Variants in CYYR1 observed in about 807,000 individuals in gnomAD.
The protein encoded by CYYR1 is cysteine and tyrosine-rich protein 1.
A neutral mutation model predicts 15.2 loss-of-function variants in CYYR1; 14 were observed. The ratio of observed to expected loss-of-function variants is 0.92; its 90% CI spans 0.61 to 1.44. The LOEUF is 1.44. CYYR1 is among the 40% of genes most tolerant of loss of function. The pLI is 0.00. For missense variants in CYYR1, 228 were observed against 209.5 expected (o/e 1.09, Z -0.54); for synonymous variants, 80 against 77.4 (o/e 1.03, Z -0.18).
intron 2 of CYYR1, among the ~76,000 whole-genome samples, chr21:26,541,877 AAAAT>A (rs1385821248): frequency 6.6e-6 from 1 of 152,190 alleles, no homozygotes; most frequent in East Asian, 1.9e-4. Flanking sequence ...CTGAAATAAT[AAAAT>A]AAAGAGGTAA....
intron 2 of CYYR1, among the ~76,000 whole-genome samples, chr21:26,488,533 A>G (rs918376519): frequency 6.6e-6 from 1 of 152,120 alleles, no homozygotes; most frequent in South Asian, 2.1e-4. Context: ...GATTACAGGC[A>G]TGAGCCACCA....
At chr21:26,519,661 A>G (rs1178883115) in intron 2 of CYYR1, among the ~76,000 whole-genome samples, 1 of 152,198 alleles carries the variant, frequency 6.6e-6, no homozygotes, top group African/African-American at 2.4e-5. Context: ...TTTGAAAGAA[A>G]TAACCCTGGT....
At chr21:26,532,050 A>G (rs560331665) in intron 2 of CYYR1, among the ~76,000 whole-genome samples, 31 of 152,290 alleles carry the variant, frequency 2.0e-4, no homozygotes, top group African/African-American at 7.5e-4. Flanking sequence ...AATTTGAAGG[A>G]TTATGTAAAG....
At chr21:26,504,956 A>G (rs1244459024) in intron 2 of CYYR1, among the ~76,000 whole-genome samples, 1 of 152,210 alleles carries the variant, frequency 6.6e-6, no homozygotes, top group Non-Finnish European at 1.5e-5. Flanking sequence ...AATGATCTCC[A>G]GTTCCATCCA....
chr21:26,507,889 G>GAAATACT (rs1406549743), intron 2 of CYYR1, among the ~76,000 whole-genome samples: 2,854 of 152,232 alleles, frequency 0.019, 96 homozygotes, highest in African/African-American at 0.064. Flanking sequence ...GTATTTAGAG[G>GAAATACT]TATTAATTCA....
chr21:26,468,948 C>CAA (rs71329833), intron 3 of CYYR1, among the ~76,000 whole-genome samples: 1 of 151,780 alleles, frequency 6.6e-6, no homozygotes, highest in African/African-American at 2.4e-5. Context: ...TCATCTCAAG[C>CAA]AAAAGTACAT....
intron 2 of CYYR1, among the ~76,000 whole-genome samples, chr21:26,532,066 A>C (rs1215310929): frequency 6.6e-6 from 1 of 152,180 alleles, no homozygotes; most frequent in African/African-American, 2.4e-5. Context: ...TAAAGCGAGA[A>C]AAAAAGAATG....
intron 2 of CYYR1, among the ~76,000 whole-genome samples, chr21:26,536,948 A>G (rs543037999): frequency 6.6e-6 from 1 of 152,328 alleles, no homozygotes; most frequent in African/African-American, 2.4e-5. Context: ...GCACTCATGG[A>G]AATTCCAGTC....
chr21:26,571,889 A>G lies in CYYR1; in HGVS notation c.73+979T>C, dbSNP rs575294964. ...GACAGCCACTAATTTGCATTTCAAT[A>G]AACAGGCTAAAAATGTCTACAGAAG... On this transcript the variant is annotated intron_variant, in intron 1 of 3. Transcript: ENST00000652641. Among the ~76,000 whole-genome samples the G allele has an allele frequency of 1.4e-3, 207 of 152,358 alleles. 1 individual carries two copies. Among genetic ancestry groups the G allele is most frequent in the South Asian group, 3.5e-3 (17 of 4,832 alleles).
chr21:26,517,807 C>T (rs999390638), intron 2 of CYYR1, among the ~76,000 whole-genome samples: 6 of 152,138 alleles, frequency 3.9e-5, no homozygotes, highest in South Asian at 4.1e-4. Context: ...CCTCCCACCT[C>T]GGCTTCCCAA....
rs71183558 is a variant in CYYR1, at chr21:26,520,113, G to GATATATAT, written c.177-39692_177-39685dup. On this transcript the variant is annotated intron_variant, in intron 2 of 3. Coordinates refer to ENST00000652641, the MANE Select transcript of CYYR1 (RefSeq NM_001320768.2). ...TCTTCTTCTAAAAAAAAACCCAGGA[G>GATATATAT]ATATATATATATATATATATATATA... Among the ~76,000 whole-genome samples, 384 of 120,672 alleles carry GATATATAT rather than the reference G, an allele frequency of 3.2e-3. 3 individuals carry two copies. Among genetic ancestry groups the GATATATAT allele is most frequent in the South Asian group, 5.1e-3 (19 of 3,750 alleles). 79.2% of individuals were successfully genotyped at this position (120,672 alleles called of 152,430 possible). A position where few individuals can be genotyped will look rare whatever the true frequency, so the allele number is the denominator to read the frequency against.
intron 2 of CYYR1, among the ~76,000 whole-genome samples, chr21:26,554,092 T>C (rs990197683): frequency 1.3e-5 from 2 of 152,184 alleles, no homozygotes; most frequent in Non-Finnish European, 2.9e-5. Context: ...TTGACTTAAA[T>C]GGAGAAAACT....
chr21:26,530,085 C>A (rs1197759045), intron 2 of CYYR1, among the ~76,000 whole-genome samples: 1 of 152,112 alleles, frequency 6.6e-6, no homozygotes, highest in East Asian at 1.9e-4. Flanking sequence ...GAGACTAGGG[C>A]AAACCTAAGC....
At chr21:26,531,491 T>C (rs1383574605) in intron 2 of CYYR1, among the ~76,000 whole-genome samples, 15 of 151,900 alleles carry the variant, frequency 9.9e-5, no homozygotes, top group Non-Finnish European at 2.2e-4. Flanking sequence ...CATGATAGAG[T>C]TTTCACGAGA....
At chr21:26,503,946 G>A (rs748123869) in intron 2 of CYYR1, among the ~76,000 whole-genome samples, 2 of 151,974 alleles carry the variant, frequency 1.3e-5, no homozygotes, top group African/African-American at 2.4e-5. Flanking sequence ...AAGGCTTTAC[G>A]TATATTTTGA....
chr21:26,479,989 A>T (rs958257629), intron 3 of CYYR1, among the ~76,000 whole-genome samples: 2 of 152,192 alleles, frequency 1.3e-5, no homozygotes, highest in African/African-American at 4.8e-5. Context: ...AGGTAGACAC[A>T]GTGGGTGTGA....
At chr21:26,492,411 T>C (rs995906613) in intron 2 of CYYR1, among the ~76,000 whole-genome samples, 6 of 152,106 alleles carry the variant, frequency 3.9e-5, no homozygotes, top group African/African-American at 1.4e-4. Flanking sequence ...ATGAGGGAAA[T>C]AGAGGTGCTC....
chr21:26,572,588 A>G (rs1401839641), intron 1 of CYYR1, among the ~76,000 whole-genome samples: 1 of 152,216 alleles, frequency 6.6e-6, no homozygotes, highest in African/African-American at 2.4e-5. Flanking sequence ...TACTCTATCC[A>G]GAGAGTCAAA....
chr21:26,567,100 T>C (rs1480842595), intron 1 of CYYR1, among the ~76,000 whole-genome samples: 1 of 152,034 alleles, frequency 6.6e-6, no homozygotes, highest in Non-Finnish European at 1.5e-5. Context: ...GCATATATAA[T>C]ACCAAAAAGG....
Sources: gnomAD v4.1 joint callset for allele counts (sites outside exome capture counted in the v4.1 genomes callset) on GRCh38, gnomAD v4.1.1 for gene constraint, MANE v1.5 for transcripts, NCBI Gene and HGNC (gene_info 2026-07-23, HGNC 2026-07-21) for gene names.